ASAP2: variants seen among roughly 807,000 people sequenced by gnomAD.
ASAP2 encodes arf-GAP with SH3 domain, ANK repeat and PH domain-containing protein 2.
In ASAP2, 45 loss-of-function variants were observed where a neutral mutation model predicts 131.4. The observed-to-expected ratio is 0.34, with a 90% CI of 0.27 to 0.44. The LOEUF is 0.44. Ranked by LOEUF, ASAP2 falls within the 20% of genes least tolerant of loss-of-function variation. The pLI, the probability that ASAP2 is intolerant of heterozygous loss-of-function variation, is 1.00. For missense variants in ASAP2, 1,011 were observed against 1,297.0 expected (o/e 0.78, Z 3.39); for synonymous variants, 510 against 503.0 (o/e 1.01, Z -0.19).
At chr2:9,307,744 G>T (rs1020815772) in intron 3 of ASAP2, among the ~76,000 whole-genome samples, 7 of 152,218 alleles carry the variant, frequency 4.6e-5, no homozygotes, top group African/African-American at 1.7e-4. Context: ...TCCTTGTTCT[G>T]GTGTGAAAGT....
chr2:9,387,075 GGGT>G (rs1355605326), intron 21 of ASAP2, among the ~76,000 whole-genome samples: 1 of 99,730 alleles, frequency 1.0e-5, no homozygotes, highest in Non-Finnish European at 1.8e-5. Flanking sequence ...GCTTGGTGGT[GGGT>G]GGGGGGGCGC....
intron 25 of ASAP2, 87 bp from the exon 26 acceptor site, chr2:9,400,655 C>T: frequency 7.9e-7 from 1 of 1,266,148 alleles, no homozygotes. Context: ...AACCTGCTTT[C>T]AGACACACCC....
chr2:9,221,016 T>C (rs1020376805), intron 1 of ASAP2, among the ~76,000 whole-genome samples: 3 of 152,242 alleles, frequency 2.0e-5, no homozygotes, highest in African/African-American at 4.8e-5. Flanking sequence ...TCTTTATGCC[T>C]ATCCTTTATG....
chr2:9,295,781 A>G (rs1258235894), intron 2 of ASAP2, among the ~76,000 whole-genome samples: 4 of 152,246 alleles, frequency 2.6e-5, no homozygotes, highest in Admixed American at 6.5e-5. Flanking sequence ...GGACTCAAAC[A>G]GTGAAGTGAG....
intron 3 of ASAP2, among the ~76,000 whole-genome samples, chr2:9,314,656 G>T (rs1669523409): frequency 6.6e-6 from 1 of 152,182 alleles, no homozygotes; most frequent in Non-Finnish European, 1.5e-5. Flanking sequence ...AAAAGGGGCT[G>T]GGTGTAGTGG....
In ASAP2 at chr2:9,232,935, A is replaced by T. The variant is rs1409533712; in HGVS notation, c.126+25705A>T. ...CTTCTGGAAGAAGGAATTCCACGTT[A>T]GACGTGTTCCCAGCTGCAGTTTTGT... On this transcript the variant is annotated intron_variant, in intron 1 of 27. Transcript: ENST00000281419. The surrounding 1 kb of genome is among the most constrained non-coding windows in gnomAD (Gnocchi z 4.1). 6.6e-6 allele frequency among the ~76,000 whole-genome samples: 1 copy of T among 152,220 alleles called. No homozygotes were observed. The highest frequency in any genetic ancestry group is 1.5e-5 in the Non-Finnish European group (1 of 68,036).
chr2:9,362,782 T>C (rs1489718013), intron 15 of ASAP2, among the ~76,000 whole-genome samples: 1 of 152,188 alleles, frequency 6.6e-6, no homozygotes, highest in Admixed American at 6.5e-5. Flanking sequence ...AAGTTGAGGC[T>C]ACAGTGAACT....
intron 1 of ASAP2, among the ~76,000 whole-genome samples, chr2:9,247,372 C>T (rs1558263456): frequency 6.6e-6 from 1 of 152,198 alleles, no homozygotes; most frequent in Non-Finnish European, 1.5e-5. Context: ...CCAGACGGTC[C>T]CCGGTCCTCA....
At chr2:9,368,545 T>G in intron 16 of ASAP2, 26 bp downstream of exon 16, 1 of 1,602,958 alleles carries the variant, frequency 6.2e-7, no homozygotes, top group Non-Finnish European at 8.5e-7. Flanking sequence ...GCTATTCTCA[T>G]TTGCTGAGTA....
intron 1 of ASAP2, among the ~76,000 whole-genome samples, chr2:9,210,716 G>A (rs1321210607): frequency 6.6e-6 from 1 of 151,848 alleles, no homozygotes; most frequent in Non-Finnish European, 1.5e-5. Context: ...CACCATGCCC[G>A]GCTAATTTTC....
chr2:9,344,035 T>TA (rs1671783056), intron 9 of ASAP2, among the ~76,000 whole-genome samples: 1 of 152,210 alleles, frequency 6.6e-6, no homozygotes, highest in Non-Finnish European at 1.5e-5. Context: ...ATTGAGTCCT[T>TA]ACTGTTTATT....
At chr2:9,328,003 A>ACTTAGAAG (rs1276233212) in intron 7 of ASAP2, 92 bp downstream of exon 7, 1 of 894,016 alleles carries the variant, frequency 1.1e-6, no homozygotes, top group African/African-American at 1.8e-5. Context: ...AATAAACACC[A>ACTTAGAAG]CTTAGAAGTC....
intron 16 of ASAP2, among the ~76,000 whole-genome samples, chr2:9,370,269 G>A (rs925345474): frequency 2.0e-5 from 3 of 152,184 alleles, no homozygotes; most frequent in Non-Finnish European, 2.9e-5. Flanking sequence ...GAGTGAACAG[G>A]GACCATGTGC....
intron 1 of ASAP2, among the ~76,000 whole-genome samples, chr2:9,218,504 C>T (rs559582038): frequency 2.6e-5 from 4 of 152,282 alleles, no homozygotes; most frequent in South Asian, 2.1e-4. Context: ...ATGGATGTGG[C>T]GTGTCTAGGC....
chr2:9,251,717 G>A (rs1001362328), intron 1 of ASAP2, among the ~76,000 whole-genome samples: 2 of 151,912 alleles, frequency 1.3e-5, no homozygotes, highest in Admixed American at 1.3e-4. Flanking sequence ...ATGAGGAAGT[G>A]GAGTGGCTGG....
Position 9,207,329 on chromosome 2 carries a change from C to G in ASAP2, c.126+99C>G, listed in dbSNP as rs1486825204. On this transcript the variant is annotated intron_variant, in intron 1 of 27. Coordinates refer to ENST00000281419, the MANE Select transcript of ASAP2 (RefSeq NM_003887.3). This position sits in a 1 kb window ranked among gnomAD's most constrained non-coding sequence, Gnocchi z 4.1. ...CATCCCGAGAAAACTTTCTTTGCTC[C>G]GAAGCCGGACGCGGCCGGGCCAACC... The G allele has an allele frequency of 3.6e-6, 5 of 1,398,200 alleles. No homozygotes were observed. The highest frequency in any genetic ancestry group is 1.5e-5 in the African/African-American group (1 of 66,102). The allele number at this position is 1,398,200 out of a possible 1,614,324, so 86.6% of individuals were successfully genotyped here.
intron 1 of ASAP2, among the ~76,000 whole-genome samples, chr2:9,228,392 G>A (rs1264523756): frequency 6.6e-6 from 1 of 152,144 alleles, no homozygotes; most frequent in Non-Finnish European, 1.5e-5. Context: ...TGAGATGATG[G>A]CTAAGTGGTT....
chr2:9,300,077 ACAAAACTTAGC>A (rs1039715204), intron 3 of ASAP2, among the ~76,000 whole-genome samples: 13 of 152,342 alleles, frequency 8.5e-5, no homozygotes, highest in African/African-American at 3.1e-4. Context: ...ACAAAAAAAT[ACAAAACTTAGC>A]CAGGCGTGGT....
chr2:9,270,878 C>T (rs1286185241), intron 1 of ASAP2, among the ~76,000 whole-genome samples: 15 of 149,682 alleles, frequency 1.0e-4, no homozygotes, highest in African/African-American at 2.7e-4. Flanking sequence ...CTGCAAGCCC[C>T]GCCTCCCGGG....
Sources: allele counts gnomAD v4.1 joint callset (sites outside exome capture counted in the v4.1 genomes callset), GRCh38; gene constraint gnomAD v4.1.1; non-coding constraint Gnocchi (gnomAD v3.1); transcripts MANE v1.5; gene names NCBI Gene and HGNC (gene_info 2026-07-23, HGNC 2026-07-21).